The following L3MBTL1 variants were observed in gnomAD, a reference collection of about 807,000 sequenced individuals.
L3MBTL1 encodes the protein lethal(3)malignant brain tumor-like protein 1.
Under a neutral mutation model 105.3 loss-of-function variants are expected in L3MBTL1, and 75 were observed. The ratio of observed to expected loss-of-function variants is 0.71; its 90% CI spans 0.59 to 0.86. The LOEUF is 0.86. Among genes scored for constraint, L3MBTL1 ranks in the 40% least tolerant of loss-of-function variants. The pLI, the probability that L3MBTL1 is intolerant of heterozygous loss-of-function variation, is 0.00. For synonymous variants in L3MBTL1, 452 were observed against 436.2 expected, an observed-to-expected ratio of 1.04 and a Z score of -0.45; for missense variants, 1,069 against 1,126.4, an observed-to-expected ratio of 0.95 and a Z score of 0.73.
intron 7 of L3MBTL1, among the ~76,000 whole-genome samples, chr20:43,528,187 C>T (rs2019132988): frequency 6.6e-6 from 1 of 152,170 alleles, no homozygotes; most frequent in Non-Finnish European, 1.5e-5. Flanking sequence ...GCTACCATGC[C>T]CAGCCGTGTT....
chr20:43,536,564 A>C, intron 19 of L3MBTL1, 106 bp downstream of exon 19: 2 of 1,345,056 alleles, frequency 1.5e-6, no homozygotes, highest in Non-Finnish European at 2.1e-6. Flanking sequence ...GAGAAGCTAG[A>C]AGGAGGGCTG....
rs896363481 is a variant in L3MBTL1, at chr20:43,513,861, C to T, written c.160C>T (p.Pro54Ser). ...IPASSATLGL[P>S]SSALDVSCFP... Reference sequence around the variant, plus strand: ...AGCCAGTTCGGCCACCCTCGGCCTGCCCAGCAGTGCCCTGGATGTGTCTTG... The same window carrying T: ...AGCCAGTTCGGCCACCCTCGGCCTGTCCAGCAGTGCCCTGGATGTGTCTTG... The change falls in exon 3 of 22, where the codon CCC becomes TCC. Residue 54 changes from proline (P) to serine (S), a missense_variant. Physicochemically the swap from Pro to Ser is moderately conservative, Grantham distance 74. Transcript: ENST00000418998. 3.9e-6 allele frequency: 6 copies of T among 1,550,544 alleles called. No homozygotes were observed. The African/African-American group carries it at 8.2e-5, about 21-fold the overall frequency.
intron 18 of L3MBTL1, among the ~76,000 whole-genome samples, chr20:43,547,325 CG>C (rs1377430754): frequency 6.6e-6 from 1 of 152,012 alleles, no homozygotes; most frequent in Non-Finnish European, 1.5e-5. Context: ...AGGATGGTCT[CG>C]ATCTCCTGAC....
chr20:43,526,729 G>A (rs2019052642), intron 7 of L3MBTL1, among the ~76,000 whole-genome samples: 1 of 152,246 alleles, frequency 6.6e-6, no homozygotes, highest in Admixed American at 6.5e-5. Flanking sequence ...GGAGGCCAAG[G>A]CAGGCGGATC....
At chr20:43,538,552 G>A (rs1346019760) in intron 19 of L3MBTL1, among the ~76,000 whole-genome samples, 1 of 152,182 alleles carries the variant, frequency 6.6e-6, no homozygotes, top group African/African-American at 2.4e-5. Flanking sequence ...CCTTAGTGTA[G>A]GCTCTGAGGT....
chr20:43,528,436 G>T (rs1218465933), intron 7 of L3MBTL1, among the ~76,000 whole-genome samples: 2 of 152,180 alleles, frequency 1.3e-5, no homozygotes, highest in Admixed American at 6.5e-5. Flanking sequence ...TGAGCGGGTG[G>T]GGGGGAAGTG....
intron 19 of L3MBTL1, chr20:43,539,892 G>A (rs1277285059): frequency 3.5e-6 from 2 of 572,460 alleles, no homozygotes; most frequent in East Asian, 6.2e-5. Flanking sequence ...GGGTGGTGCA[G>A]CCTCAGAGAG....
chr20:43,529,528 C>G (rs1012681163), intron 9 of L3MBTL1, among the ~76,000 whole-genome samples, 160 bp downstream of exon 9: 3 of 152,138 alleles, frequency 2.0e-5, no homozygotes, highest in African/African-American at 7.2e-5. Flanking sequence ...ACAACAAAAA[C>G]CAGATGGAGT....
Position 43,514,730 on chromosome 20 carries a change from T to TCTTCG in L3MBTL1, c.456_457insCTTCG (p.Gly153LeufsTer71). On this transcript the variant is annotated frameshift_variant, in exon 4 of 22. Coordinates refer to ENST00000418998, the MANE Select transcript of L3MBTL1 (RefSeq NM_001377303.1). LOFTEE classifies it high-confidence loss of function. Reference sequence around the variant, plus strand: ...AGGAAGGCGTGACCGAATACGAAGATGGCGGGGCCCCGGCGGGAGATGGCG... The same window carrying TCTTCG: ...AGGAAGGCGTGACCGAATACGAAGATCTTCGGGCGGGGCCCCGGCGGGAGATGGCG... 1 of 1,574,820 alleles carries TCTTCG rather than the reference T, an allele frequency of 6.3e-7. No homozygotes were observed. Among genetic ancestry groups the TCTTCG allele is most frequent in the South Asian group, 1.2e-5 (1 of 86,406 alleles).
chr20:43,521,120 C>T (rs1198389813), intron 7 of L3MBTL1, among the ~76,000 whole-genome samples: 1 of 152,184 alleles, frequency 6.6e-6, no homozygotes. Context: ...GTTAAACTTT[C>T]AGTGTCTTAA....
chr20:43,549,245 C>G (rs1378136874), exon 19 of L3MBTL1: 1 of 152,358 alleles, frequency 6.6e-6, no homozygotes, highest in Non-Finnish European at 1.5e-5. Flanking sequence ...AGGTATTGCC[C>G]ATGGGGTGAT....
intron 16 of L3MBTL1, among the ~76,000 whole-genome samples, chr20:43,535,618 A>G (rs2019563524): frequency 6.6e-6 from 1 of 152,196 alleles, no homozygotes; most frequent in Non-Finnish European, 1.5e-5. Context: ...CATAGCCTGC[A>G]GGTTTCAGCA....
At chr20:43,537,109 C>T (rs751328431) in intron 19 of L3MBTL1, among the ~76,000 whole-genome samples, 3 of 152,228 alleles carry the variant, frequency 2.0e-5, no homozygotes, top group East Asian at 1.9e-4. Flanking sequence ...CATTCCAACT[C>T]GGATCTGGCC....
At chr20:43,513,752 C>G (rs2018205531) in intron 2 of L3MBTL1, 86 bp from the exon 3 acceptor site, 1 of 1,536,038 alleles carries the variant, frequency 6.5e-7, no homozygotes, top group East Asian at 2.5e-5. Context: ...ACCTGCCTTC[C>G]TTCACATGCC....
chr20:43,525,659 G>T (rs1298850612), intron 7 of L3MBTL1, among the ~76,000 whole-genome samples: 1 of 152,198 alleles, frequency 6.6e-6, no homozygotes, highest in African/African-American at 2.4e-5. Context: ...GAATTTGGCT[G>T]GGGGTGTTGG....
intron 7 of L3MBTL1, chr20:43,523,419 G>GAGCTGATAAGC (rs1292712909): frequency 4.5e-6 from 1 of 220,036 alleles, no homozygotes; most frequent in Non-Finnish European, 9.7e-6. Context: ...TGGATCCTGA[G>GAGCTGATAAGC]AGCTGATAAG....
intron 11 of L3MBTL1, chr20:43,531,134 C>A (rs2019315277): frequency 1.9e-6 from 1 of 513,348 alleles, no homozygotes; most frequent in Non-Finnish European, 3.4e-6. Flanking sequence ...GTCCTCACAT[C>A]CCCTTGGAGC....
At chr20:43,538,212 G>A (rs1238553661) in intron 19 of L3MBTL1, among the ~76,000 whole-genome samples, 2 of 152,170 alleles carry the variant, frequency 1.3e-5, no homozygotes, top group Non-Finnish European at 2.9e-5. Flanking sequence ...GGCACCTCTT[G>A]TACCCATCTG....
chr20:43,542,306 G>A (rs1197278264), downstream of L3MBTL1, among the ~76,000 whole-genome samples: 2 of 152,186 alleles, frequency 1.3e-5, no homozygotes, highest in African/African-American at 4.8e-5. Flanking sequence ...AGCTGTGTGT[G>A]GTGGAGCTCC....
Sources: gnomAD v4.1 joint callset for allele counts (sites outside exome capture counted in the v4.1 genomes callset) on GRCh38, gnomAD v4.1.1 for gene constraint, MANE v1.5 for transcripts, NCBI Gene and HGNC (gene_info 2026-07-23, HGNC 2026-07-21) for gene names.